The following ABCG5 variants were observed in gnomAD, a reference collection of about 807,000 sequenced individuals.
ABCG5 encodes ATP binding cassette subfamily G member 5, also known as ATP-binding cassette sub-family G member 5.
Under a neutral mutation model 64.5 loss-of-function variants are expected in ABCG5, and 64 were observed. The observed-to-expected ratio is 0.99, with a 90% confidence interval of 0.81 to 1.22. The LOEUF (loss-of-function observed/expected upper bound fraction) is 1.22. Among genes scored for constraint, ABCG5 ranks in the 50% most tolerant of loss-of-function variants. The pLI, the probability that ABCG5 is intolerant of heterozygous loss-of-function variation, is 0.00. For synonymous variants in ABCG5, 385 were observed against 326.3 expected (o/e 1.18, Z -1.94); for missense variants, 908 against 829.5 (o/e 1.09, Z -1.16).
chr2:43,819,916 T>C lies in ABCG5; in HGVS notation c.1648A>G (p.Arg550Gly), dbSNP rs776353817. ...AGVLVGSGFL[R>G]NIQEMPIPFK... ...ATTTTTTGAATTATGATATCTTACCTGAGGAATCCAGATCCAACAAGCACC... is the reference window on the plus strand; with the variant it reads ...ATTTTTTGAATTATGATATCTTACCCGAGGAATCCAGATCCAACAAGCACC... The change falls in exon 11 of 13, where the codon AGA becomes GGA. Residue 550 changes from arginine (R) to glycine (G), a missense_variant and splice_region_variant. By Grantham distance (125) the Arg-to-Gly change is moderately radical. Transcript: ENST00000405322. 1 of 1,614,130 alleles carries C rather than the reference T, an allele frequency of 6.2e-7. No individual in the cohort carries two copies. The highest frequency in any genetic ancestry group is 8.5e-7 in the Non-Finnish European group (1 of 1,180,012).
intron 11 of ABCG5, among the ~76,000 whole-genome samples, chr2:43,816,731 G>A (rs1666858171): frequency 6.6e-6 from 1 of 151,880 alleles, no homozygotes; most frequent in Non-Finnish European, 1.5e-5. Flanking sequence ...GTTGTTAAAT[G>A]GGAAAAAAAG....
chr2:43,826,892 T>C (rs1388821988), intron 5 of ABCG5, among the ~76,000 whole-genome samples: 4 of 152,176 alleles, frequency 2.6e-5, no homozygotes, highest in Non-Finnish European at 5.9e-5. Context: ...GACAACCCCA[T>C]TTCATGTCTG....
chr2:43,831,657 G>T, intron 4 of ABCG5, 112 bp downstream of exon 4: 2 of 1,103,164 alleles, frequency 1.8e-6, no homozygotes, highest in South Asian at 1.4e-5. Flanking sequence ...GCTCTAGAGT[G>T]AAGGAGTGAC....
At chr2:43,808,279 A>G (rs1373766470), downstream of ABCG5, among the ~76,000 whole-genome samples, 1 of 151,638 alleles carries the variant, frequency 6.6e-6, no homozygotes, top group African/African-American at 2.4e-5. Context: ...AAAAAAACAC[A>G]CAAGGAAAAA....
chr2:43,812,895 A>AT lies in ABCG5; in HGVS notation c.*220dup, dbSNP rs1666555943. The AT allele has an allele frequency of 3.6e-6, 2 of 558,150 alleles. No individual in the cohort carries two copies. The highest frequency in any genetic ancestry group is 3.1e-5 in the Admixed American group (1 of 32,080). The allele number at this position is 558,150 out of a possible 1,614,324, so 34.6% of individuals were successfully genotyped here. ...GGGTCCGCTCAGTCACAATTTCCAA[A>AT]TAACCACATGTCCCTGCAAGTTGTA... is the stretch of plus-strand genomic sequence containing the variant. On this transcript the variant is annotated 3_prime_UTR_variant, in exon 13 of 13. Coordinates refer to ENST00000405322, the MANE Select transcript of ABCG5 (RefSeq NM_022436.3).
intron 4 of ABCG5, among the ~76,000 whole-genome samples, chr2:43,829,179 G>A (rs1667816107): frequency 6.6e-6 from 1 of 152,026 alleles, no homozygotes; most frequent in Non-Finnish European, 1.5e-5. Flanking sequence ...TTTGGGTTTT[G>A]AAATTTTATT....
intron 2 of ABCG5, among the ~76,000 whole-genome samples, chr2:43,834,084 A>G (rs190518472): frequency 1.3e-5 from 2 of 152,366 alleles, no homozygotes; most frequent in African/African-American, 4.8e-5. Context: ...CATCATTGAC[A>G]AAACTCAGAA....
intron 2 of ABCG5, among the ~76,000 whole-genome samples, chr2:43,836,496 T>C (rs17031700): frequency 0.024 from 3,665 of 152,244 alleles, 134 homozygotes; most frequent in African/African-American, 0.083. Context: ...CTTTTAACCT[T>C]AAAATGTAGA....
At chr2:43,827,325 CAAA>C (rs1174987300) in intron 5 of ABCG5, among the ~76,000 whole-genome samples, 3 of 112,212 alleles carry the variant, frequency 2.7e-5, no homozygotes, top group Non-Finnish European at 3.9e-5. Context: ...AACTCTGTCT[CAAA>C]AAAAAAAAAA....
intron 2 of ABCG5, among the ~76,000 whole-genome samples, chr2:43,833,943 C>G (rs1558769548): frequency 6.6e-6 from 1 of 152,216 alleles, no homozygotes; most frequent in Non-Finnish European, 1.5e-5. Context: ...CTCGGCCTCC[C>G]AAGGTGCTGG....
intron 2 of ABCG5, 33 bp from the exon 3 acceptor site, chr2:43,832,116 C>T (rs1316503042): frequency 7.7e-6 from 12 of 1,561,792 alleles, no homozygotes; most frequent in Admixed American, 1.9e-5. Context: ...CCTAGAGGAA[C>T]CACTCTGTGC....
rs1356179102 is a variant in ABCG5 at position 43,838,380 on chromosome 2, G to T, written c.143+157C>A. ...ATTCACTGTCGCTCCATGTTTCCCA[G>T]CACAGCCCTTCTCCCTCTCCTCTCT... On this transcript the variant is annotated intron_variant, in intron 1 of 12. Coordinates refer to ENST00000405322, the MANE Select transcript of ABCG5 (RefSeq NM_022436.3). The surrounding 1 kb of genome is among the most constrained non-coding windows in gnomAD (Gnocchi z 4.2). 2 of 721,776 alleles carry T rather than the reference G, an allele frequency of 2.8e-6. No individual in the cohort carries two copies. Among genetic ancestry groups the T allele is most frequent in the Non-Finnish European group, 2.3e-6 (1 of 442,670 alleles). 44.7% of individuals were successfully genotyped at this position (721,776 alleles called of 1,614,324 possible).
At chr2:43,806,716 T>G in the ABCG5 span, among the ~76,000 whole-genome samples, 11 of 152,340 alleles carry the variant, frequency 7.2e-5, no homozygotes, top group East Asian at 2.1e-3. Context: ...ATTAAAGGAT[T>G]AGGGTATTTG....
chr2:43,824,564 C>T (rs1667471957), intron 7 of ABCG5, 132 bp from the exon 8 acceptor site: 4 of 1,567,678 alleles, frequency 2.6e-6, no homozygotes, highest in Non-Finnish European at 2.6e-6. Context: ...TTAATGCCCA[C>T]CTATAAAATC....
intron 10 of ABCG5, among the ~76,000 whole-genome samples, chr2:43,820,488 C>A (rs1338933651): frequency 6.6e-6 from 1 of 152,128 alleles, no homozygotes; most frequent in Non-Finnish European, 1.5e-5. Flanking sequence ...AGGGCTCACC[C>A]AACCCGCTTC....
At chr2:43,825,091 C>G in intron 6 of ABCG5, 73 bp from the exon 7 acceptor site, 1 of 1,576,746 alleles carries the variant, frequency 6.3e-7, no homozygotes, top group Admixed American at 1.8e-5. Context: ...TCTGGGAACA[C>G]TGATGCAGGG....
At chr2:43,839,027 G>A (rs779984848), upstream of ABCG5, 2 of 1,550,036 alleles carry the variant, frequency 1.3e-6, no homozygotes, top group Non-Finnish European at 8.7e-7. Flanking sequence ...GAGAGCTGCA[G>A]CCCAGGGTCA....
Position 43,832,001 on chromosome 2 carries a change from G to T in ABCG5, c.348C>A (p.Asn116Lys). 1.3e-6 allele frequency: 2 copies of T among 1,560,688 alleles called. No individual in the cohort carries two copies. Among genetic ancestry groups the T allele is most frequent in the Non-Finnish European group, 8.7e-7 (1 of 1,152,522 alleles). The change falls in exon 3 of 13, where the codon AAC becomes AAA. Residue 116 changes from asparagine to lysine, a missense_variant. Transcript: ENST00000405322. ...AGTFLGEVYVNGRALRREQFQ... is the reference protein window; with the variant it reads ...AGTFLGEVYVKGRALRREQFQ... The stretch of plus-strand genomic sequence containing the variant: ...ACTGCTCCCGGCGCAGCGCCCGGCC[G>T]TTCACATACACCTCCCCCAGGAAGG...
At chr2:43,809,635 G>A (rs1204040164), downstream of ABCG5, 4 of 998,768 alleles carry the variant, frequency 4.0e-6, no homozygotes, top group East Asian at 7.3e-5. Context: ...AAATGAGAAG[G>A]CAGTTTTAAG....
Sources: gnomAD v4.1 joint callset for allele counts (sites outside exome capture counted in the v4.1 genomes callset) on GRCh38, gnomAD v4.1.1 for gene constraint, Gnocchi (gnomAD v3.1) non-coding constraint, MANE v1.5 for transcripts, NCBI Gene and HGNC (gene_info 2026-07-23, HGNC 2026-07-21) for gene names.